The following MMP26 variants were observed in gnomAD, a reference collection of about 807,000 sequenced individuals.
The protein encoded by MMP26 is matrix metallopeptidase 26.
MMP26 carries 33 observed loss-of-function variants against 31.0 expected under a neutral mutation model. That is an observed-to-expected ratio of 1.06 (90% confidence interval 0.81 to 1.42). MMP26 has a LOEUF of 1.42. MMP26 is among the 40% of genes most tolerant of loss of function. MMP26 has a pLI of 0.00. For missense variants in MMP26, 347 were observed against 316.1 expected, an observed-to-expected ratio of 1.10 and a Z score of -0.74; for synonymous variants, 122 against 114.9, an observed-to-expected ratio of 1.06 and a Z score of -0.40.
At chr11:4,708,056 C>T (rs948574312) in intron 1 of MMP26, among the ~76,000 whole-genome samples, 7 of 152,158 alleles carry the variant, frequency 4.6e-5, no homozygotes, top group African/African-American at 1.4e-4. Flanking sequence ...TGACTTCAAC[C>T]ATAGACATTA....
At chr11:4,745,318 C>T (rs1281763718) in intron 1 of MMP26, among the ~76,000 whole-genome samples, 1 of 152,118 alleles carries the variant, frequency 6.6e-6, no homozygotes, top group Admixed American at 6.6e-5. Context: ...CAGTGGCTTC[C>T]CAGACTGGCT....
intron 1 of MMP26, among the ~76,000 whole-genome samples, chr11:4,725,515 C>A (rs955414082): frequency 6.6e-6 from 1 of 152,178 alleles, no homozygotes; most frequent in Non-Finnish European, 1.5e-5. Context: ...TTGAGAATTT[C>A]TTTTCTTTTT....
intron 2 of MMP26, among the ~76,000 whole-genome samples, chr11:4,809,322 C>T (rs1232509640): frequency 6.6e-6 from 1 of 152,152 alleles, no homozygotes; most frequent in Non-Finnish European, 1.5e-5. Flanking sequence ...ATAAAATCAA[C>T]TTGTAAAACC....
At chr11:4,932,011 A>C (rs1057477754) in intron 2 of MMP26, among the ~76,000 whole-genome samples, 1 of 152,076 alleles carries the variant, frequency 6.6e-6, no homozygotes, top group Admixed American at 6.6e-5. Flanking sequence ...TAGCAGCTCA[A>C]CAAGAATGCA....
rs145352284 is a variant in MMP26 at position 4,979,135 on chromosome 11, C to G, written c.-144-8933C>G. Reference sequence around the variant, plus strand: ...CCCAGAAGCATGTAGAAAGGGGCATCCATAGGAGCAAAATAATGGGCAGCA... The same window carrying G: ...CCCAGAAGCATGTAGAAAGGGGCATGCATAGGAGCAAAATAATGGGCAGCA... On this transcript the variant is annotated intron_variant, in intron 2 of 7. Transcript: ENST00000380390. Among the ~76,000 whole-genome samples, 202 of 152,166 alleles carry G rather than the reference C, an allele frequency of 1.3e-3. 1 individual carries two copies. Among genetic ancestry groups the G allele is most frequent in the African/African-American group, 4.6e-3 (190 of 41,518 alleles).
rs144432685 is a variant in MMP26 at position 4,719,220 on chromosome 11, T to C, written c.-217+14175T>C. 294 of 154,742 alleles carry C rather than the reference T, an allele frequency of 1.9e-3. 1 individual carries two copies. The highest frequency in any genetic ancestry group is 8.5e-3 in the Middle Eastern group (14 of 1,646). The allele number at this position is 154,742 out of a possible 1,614,324, so 9.6% of individuals were successfully genotyped here. On this transcript the variant is annotated intron_variant, in intron 1 of 7. Transcript: ENST00000380390. ...GGATCAACAGTGCAGTTGGGCTGAC[T>C]GCCCTGATTACCACTGCTGGGGCAG...
intron 2 of MMP26, among the ~76,000 whole-genome samples, chr11:4,812,953 T>C (rs974734023): frequency 1.3e-5 from 2 of 151,986 alleles, no homozygotes; most frequent in East Asian, 1.9e-4. Flanking sequence ...CTTTTTTTTT[T>C]CCACAGATAT....
intron 2 of MMP26, among the ~76,000 whole-genome samples, chr11:4,906,080 T>C (rs1850883717): frequency 6.6e-6 from 1 of 152,218 alleles, no homozygotes; most frequent in Non-Finnish European, 1.5e-5. Flanking sequence ...ACAATACTAC[T>C]GTAGAGCTTC....
Position 4,930,297 on chromosome 11 carries a change from T to C in MMP26, c.-144-57771T>C, listed in dbSNP as rs544249426. ...CTCAGATCCCACTTGAAGAAACCAT[T>C]TGTTGCCTAGCTATAAAGAGTGTGG... On this transcript the variant is annotated intron_variant, in intron 2 of 7. Transcript: ENST00000380390. Among the ~76,000 whole-genome samples, 33 of 152,192 alleles carry C rather than the reference T, an allele frequency of 2.2e-4. No individual in the cohort carries two copies. The East Asian group carries it at 5.2e-3, about 24-fold the overall frequency.
intron 1 of MMP26, among the ~76,000 whole-genome samples, chr11:4,727,921 A>G (rs1037099150): frequency 1.3e-5 from 2 of 152,228 alleles, no homozygotes; most frequent in Non-Finnish European, 2.9e-5. Context: ...ATTAAATTAG[A>G]AAATATTTAA....
intron 2 of MMP26, chr11:4,923,648 G>T: frequency 6.2e-7 from 1 of 1,614,000 alleles, no homozygotes; most frequent in South Asian, 1.1e-5. Context: ...CTGGTGGGAG[G>T]CAATGCTGAG....
intron 2 of MMP26, among the ~76,000 whole-genome samples, chr11:4,902,402 A>G (rs1030357607): frequency 6.6e-6 from 1 of 152,148 alleles, no homozygotes; most frequent in Non-Finnish European, 1.5e-5. Context: ...TAATTTGCTC[A>G]GGATAATGGC....
At chr11:4,726,883 A>C (rs542972786) in intron 1 of MMP26, among the ~76,000 whole-genome samples, 1 of 152,142 alleles carries the variant, frequency 6.6e-6, no homozygotes, top group Admixed American at 6.5e-5. Flanking sequence ...TAGGGCTTAC[A>C]CCTGTAGCCC....
intron 1 of MMP26, among the ~76,000 whole-genome samples, chr11:4,729,244 C>T (rs567877487): frequency 4.6e-5 from 7 of 151,946 alleles, no homozygotes; most frequent in Non-Finnish European, 1.0e-4. Context: ...AATTAGAAGC[C>T]ACTACAAATA....
In MMP26 at chr11:4,879,879, G is replaced by T. The variant is rs148707717; in HGVS notation, c.-144-108189G>T. On this transcript the variant is annotated intron_variant, in intron 2 of 7. Coordinates refer to ENST00000380390, the MANE Select transcript of MMP26 (RefSeq NM_021801.5). ...AGAGAACAATGGGATGACTCTTTCT[G>T]CTCTCCTAATCCAGCTCTGACATTC... is the stretch of plus-strand genomic sequence containing the variant. Among the ~76,000 whole-genome samples the T allele has an allele frequency of 5.2e-3, 785 of 152,228 alleles. 9 individuals carry two copies. Among genetic ancestry groups the T allele is most frequent in the African/African-American group, 0.016 (677 of 41,544 alleles).
At chr11:4,863,879 T>C (rs954569616) in intron 2 of MMP26, among the ~76,000 whole-genome samples, 5 of 152,224 alleles carry the variant, frequency 3.3e-5, no homozygotes, top group African/African-American at 7.2e-5. Flanking sequence ...CCAACACTTA[T>C]GCAAAACTTT....
intron 2 of MMP26, among the ~76,000 whole-genome samples, chr11:4,868,455 A>C (rs140645705): frequency 0.053 from 8,053 of 152,222 alleles, 261 homozygotes; most frequent in Middle Eastern, 0.099. Flanking sequence ...TCATGAGTTA[A>C]CTCACATTCA....
chr11:4,807,290 C>T (rs1301208151), intron 2 of MMP26, among the ~76,000 whole-genome samples: 1 of 152,192 alleles, frequency 6.6e-6, no homozygotes, highest in Non-Finnish European at 1.5e-5. Context: ...ACACTCCCAC[C>T]AACAGTGTAA....
At chr11:4,923,877 C>A (rs781104447) in intron 2 of MMP26, 1 of 1,614,006 alleles carries the variant, frequency 6.2e-7, no homozygotes, top group East Asian at 2.2e-5. Context: ...ATGAGGAGAG[C>A]ACTTCTAAGC....
Sources: allele counts gnomAD v4.1 joint callset (sites outside exome capture counted in the v4.1 genomes callset), GRCh38; gene constraint gnomAD v4.1.1; transcripts MANE v1.5; gene names NCBI Gene and HGNC (gene_info 2026-07-23, HGNC 2026-07-21).